Variants in ABLIM1 observed in about 807,000 individuals in gnomAD.
The protein encoded by ABLIM1 is actin binding LIM protein 1.
Under a neutral mutation model 107.0 loss-of-function variants are expected in ABLIM1, and 40 were observed. That is an observed-to-expected ratio of 0.37 (90% CI 0.29 to 0.49). ABLIM1 has a LOEUF of 0.49. Ranked by LOEUF, ABLIM1 falls within the 20% of genes least tolerant of loss-of-function variation. ABLIM1 has a pLI of 0.97. For missense variants in ABLIM1, 857 were observed against 1,008.5 expected, an observed-to-expected ratio of 0.85 and a Z score of 2.04; for synonymous variants, 357 against 357.3, an observed-to-expected ratio of 1.00 and a Z score of 0.01.
rs2059274979 is a variant in ABLIM1, at chr10:114,435,398, C to CAT, written c.*861_*862insAT. The stretch of plus-strand genomic sequence containing the variant: ...GGCCATGAATGATATGGCCCCTATG[C>CAT]AAAATCACCTAATGGCATGCCACTG... On this transcript the variant is annotated 3_prime_UTR_variant, in exon 23 of 23. Transcript: ENST00000533213. The CAT allele has an allele frequency of 6.6e-6, 1 of 152,116 alleles. No individual in the cohort carries two copies. The highest frequency in any genetic ancestry group is 1.9e-4 in the East Asian group (1 of 5,172). 9.4% of individuals were successfully genotyped at this position (152,116 alleles called of 1,614,324 possible). A position where few individuals can be genotyped will look rare whatever the true frequency, so the allele number is the denominator to read the frequency against.
At chr10:114,454,896 C>G (rs771723437) in intron 12 of ABLIM1, among the ~76,000 whole-genome samples, 1 of 152,044 alleles carries the variant, frequency 6.6e-6, no homozygotes, top group Non-Finnish European at 1.5e-5. Context: ...ATATTTTCTC[C>G]CAGTCTGTAG....
intron 8 of ABLIM1, among the ~76,000 whole-genome samples, chr10:114,476,563 G>A (rs781049188): frequency 6.6e-6 from 1 of 151,810 alleles, no homozygotes; most frequent in Non-Finnish European, 1.5e-5. Flanking sequence ...AGAATCGCTT[G>A]AACTTGGGAG....
At chr10:114,684,227 C>A in intron 1 of ABLIM1, 1 of 1,536,508 alleles carries the variant, frequency 6.5e-7, no homozygotes, top group Middle Eastern at 1.7e-4. Flanking sequence ...CTTTCCTCAT[C>A]TTTAAAGACA....
intron 6 of ABLIM1, among the ~76,000 whole-genome samples, chr10:114,536,237 T>C (rs1243357174): frequency 0.018 from 417 of 22,676 alleles, 14 homozygotes; most frequent in Middle Eastern, 0.05. Flanking sequence ...GTTTTTTTTT[T>C]TTTTTTTTTT....
Position 114,765,678 on chromosome 10 carries a change from TCTA to T in ABLIM1, c.-213+2380_-213+2382del, listed in dbSNP as rs199974691. Among the ~76,000 whole-genome samples the T allele has an allele frequency of 3.6e-3, 554 of 152,300 alleles. 6 individuals are homozygous for T. The highest frequency in any genetic ancestry group is 0.012 in the African/African-American group (504 of 41,566). ...ACTCAACTCCGTAACTACTAAGCAC[TCTA>T]CTAATCTTTTAGAATTTTTTTTCAA... On this transcript the variant is annotated intron_variant, in intron 1 of 15. Transcript: ENST00000651092.
chr10:114,552,008 C>T (rs1186487183), intron 4 of ABLIM1, among the ~76,000 whole-genome samples: 1 of 152,100 alleles, frequency 6.6e-6, no homozygotes, highest in Non-Finnish European at 1.5e-5. Flanking sequence ...AAGGTTAGGC[C>T]TCCTTCCTGC....
chr10:114,441,410 A>G (rs187922337), intron 18 of ABLIM1, among the ~76,000 whole-genome samples: 54 of 152,340 alleles, frequency 3.5e-4, no homozygotes, highest in African/African-American at 9.6e-4. Flanking sequence ...TTTACAGCAA[A>G]GATAATGGTT....
intron 6 of ABLIM1, among the ~76,000 whole-genome samples, chr10:114,509,791 G>A (rs61867862): frequency 0.018 from 2,712 of 152,144 alleles, 42 homozygotes; most frequent in East Asian, 0.059. Context: ...GTATTAGTCC[G>A]TTCTCACACT....
chr10:114,526,013 G>A (rs1229020770), intron 6 of ABLIM1, among the ~76,000 whole-genome samples: 1 of 152,098 alleles, frequency 6.6e-6, no homozygotes, highest in South Asian at 2.1e-4. Context: ...TCAATATAAA[G>A]GCCAGAATCT....
At chr10:114,458,356 T>C (rs2063223864) in intron 12 of ABLIM1, among the ~76,000 whole-genome samples, 1 of 152,158 alleles carries the variant, frequency 6.6e-6, no homozygotes, top group Admixed American at 6.5e-5. Flanking sequence ...CACAGGACTC[T>C]CACTGTACTT....
chr10:114,624,000 C>T (rs959041507), intron 1 of ABLIM1, among the ~76,000 whole-genome samples: 1 of 152,170 alleles, frequency 6.6e-6, no homozygotes. Flanking sequence ...AACAAATTTT[C>T]GCTCTCCCCA....
At chr10:114,773,165 G>A in the ABLIM1 span, among the ~76,000 whole-genome samples, 2 of 151,968 alleles carry the variant, frequency 1.3e-5, no homozygotes, top group Non-Finnish European at 2.9e-5. Context: ...ACATTTGAAG[G>A]AAAAACAACT....
At chr10:114,589,746 A>G (rs192381825) in intron 2 of ABLIM1, among the ~76,000 whole-genome samples, 35 of 152,294 alleles carry the variant, frequency 2.3e-4, no homozygotes, top group African/African-American at 8.2e-4. Flanking sequence ...TTTAAGCTAA[A>G]TGTTTTACAA....
At chr10:114,456,060 C>G (rs888603359) in intron 12 of ABLIM1, among the ~76,000 whole-genome samples, 1 of 152,116 alleles carries the variant, frequency 6.6e-6, no homozygotes, top group South Asian at 2.1e-4. Context: ...GTGATCCACC[C>G]GCCTCGGCCT....
chr10:114,494,557 C>T (rs2059424812), intron 6 of ABLIM1, among the ~76,000 whole-genome samples: 1 of 151,948 alleles, frequency 6.6e-6, no homozygotes, highest in Non-Finnish European at 1.5e-5. Context: ...AACCAAACAA[C>T]AACAACAACA....
chr10:114,546,297 CT>C (rs373431588), intron 5 of ABLIM1, among the ~76,000 whole-genome samples: 435 of 139,010 alleles, frequency 3.1e-3, no homozygotes, highest in African/African-American at 7.4e-3. Flanking sequence ...TCTTTTCTTT[CT>C]TTTTTTTTTT....
At chr10:114,500,252 AG>A (rs2060212852) in intron 6 of ABLIM1, among the ~76,000 whole-genome samples, 1 of 152,232 alleles carries the variant, frequency 6.6e-6, no homozygotes, top group South Asian at 2.1e-4. Context: ...AAACTAGTTT[AG>A]GGAGAAATAA....
chr10:114,691,609 C>A (rs1218952678), intron 1 of ABLIM1, among the ~76,000 whole-genome samples: 1 of 152,096 alleles, frequency 6.6e-6, no homozygotes, highest in Non-Finnish European at 1.5e-5. Context: ...ACTCTTGGTG[C>A]CTTTGAAAAA....
intron 4 of ABLIM1, among the ~76,000 whole-genome samples, chr10:114,569,314 CTTTT>C (rs1309419694): frequency 6.6e-6 from 1 of 151,540 alleles, no homozygotes; most frequent in African/African-American, 2.4e-5. Context: ...GCCTCTTTTT[CTTTT>C]TCTTTTTTTT....
Sources: allele counts gnomAD v4.1 joint callset (sites outside exome capture counted in the v4.1 genomes callset), GRCh38; gene constraint gnomAD v4.1.1; transcripts MANE v1.5; gene names NCBI Gene and HGNC (gene_info 2026-07-23, HGNC 2026-07-21).